Variants in PTP4A2 observed in about 807,000 individuals in gnomAD.
PTP4A2 encodes protein tyrosine phosphatase 4A2, also known as protein tyrosine phosphatase type IVA 2.
Under a neutral mutation model 22.9 loss-of-function variants are expected in PTP4A2, and 2 were observed. The ratio of observed to expected loss-of-function variants is 0.09; its 90% CI spans 0.04 to 0.27. The LOEUF (loss-of-function observed/expected upper bound fraction) is 0.27. Among genes scored for constraint, PTP4A2 ranks in the 10% least tolerant of loss-of-function variants. The pLI is 1.00. For missense variants in PTP4A2, 103 were observed against 205.1 expected (o/e 0.50, Z 3.04); for synonymous variants, 68 against 69.1 (o/e 0.98, Z 0.08).
rs1338755900 is a variant in PTP4A2, at chr1:31,922,617, TC to T, written c.-593-2960del. Among the ~76,000 whole-genome samples the T allele has an allele frequency of 8.0e-4, 121 of 151,120 alleles. 1 individual carries two copies. Among genetic ancestry groups the T allele is most frequent in the African/African-American group, 2.9e-3 (117 of 40,814 alleles). ...TTCTTTCTTTCTTTCTTTCTTTCTT[TC>T]TTTCTTTCTTTCTTTCTTTTATTTA... On this transcript the variant is annotated intron_variant, in intron 1 of 5. Coordinates refer to ENST00000647444, the MANE Select transcript of PTP4A2 (RefSeq NM_080391.4).
chr1:31,908,895 C>T lies in PTP4A2; in HGVS notation c.461G>A (p.Arg154Gln). ...CCCATTGGTATCTCTGAAGCGTAAT[C>T]GCATCTTAGGTCGGTATTTCTCCAA... ...LYLEKYRPKM[R>Q]LRFRDTNGHC... The change falls in exon 6 of 6, where the codon CGA (arginine) becomes CAA (glutamine). Residue 154 changes from arginine (R) to glutamine (Q), a missense_variant. Arg to Gln is a conservative substitution (Grantham distance 43). Coordinates refer to ENST00000647444, the MANE Select transcript of PTP4A2 (RefSeq NM_080391.4). 3 of 1,613,964 alleles carry T rather than the reference C, an allele frequency of 1.9e-6. No homozygotes were observed. The highest frequency in any genetic ancestry group is 1.7e-5 in the Admixed American group (1 of 60,004).
chr1:31,930,624 A>C (rs528034413), intron 1 of PTP4A2, among the ~76,000 whole-genome samples: 2 of 152,306 alleles, frequency 1.3e-5, no homozygotes, highest in South Asian at 4.1e-4. Flanking sequence ...GTTACACTTC[A>C]CTTCCTCTCC....
intron 1 of PTP4A2, among the ~76,000 whole-genome samples, chr1:31,922,630 CTTTCTTT>C (rs1025528576): frequency 4.2e-5 from 4 of 95,708 alleles, no homozygotes; most frequent in African/African-American, 1.4e-4. Context: ...TTCTTTCTTT[CTTTCTTT>C]TATTTATTTT....
intron 1 of PTP4A2, among the ~76,000 whole-genome samples, chr1:31,937,159 G>A (rs1453929440): frequency 6.6e-6 from 1 of 152,116 alleles, no homozygotes; most frequent in Admixed American, 6.5e-5. Context: ...CCCAGACTAG[G>A]ATAGGATGGC....
intron 1 of PTP4A2, among the ~76,000 whole-genome samples, chr1:31,927,875 T>C (rs893202124): frequency 6.6e-6 from 1 of 152,096 alleles, no homozygotes; most frequent in African/African-American, 2.4e-5. Context: ...AAAATGCTAC[T>C]GTACCTATTG....
At chr1:31,923,626 G>GC (rs894278347) in intron 1 of PTP4A2, among the ~76,000 whole-genome samples, 5 of 152,084 alleles carry the variant, frequency 3.3e-5, no homozygotes, top group African/African-American at 1.2e-4. Context: ...GAGCCACCGC[G>GC]CCCAGCCTGC....
chr1:31,918,919 G>A, intron 2 of PTP4A2, 51 bp downstream of exon 2: 3 of 1,045,866 alleles, frequency 2.9e-6, no homozygotes, highest in Non-Finnish European at 4.5e-6. Flanking sequence ...ATTTTTTAAT[G>A]GGATTTTACC....
chr1:31,932,294 A>G (rs1429885004), intron 1 of PTP4A2, among the ~76,000 whole-genome samples: 1 of 152,246 alleles, frequency 6.6e-6, no homozygotes. Context: ...TAAATGCACC[A>G]CTTCTCTAAA....
At position 31,908,156 on chromosome 1, in the gene PTP4A2, ATATATAT is replaced by A. The variant is rs1651312854; in HGVS notation, c.*689_*695del. ...TATATTATATTATATATATATATATATATATATATATATATATATATATATATATATA... is the reference window on the plus strand; with the variant it reads ...TATATTATATTATATATATATATATAATATATATATATATATATATATATA... On this transcript the variant is annotated 3_prime_UTR_variant, in exon 6 of 6. Coordinates refer to ENST00000647444, the MANE Select transcript of PTP4A2 (RefSeq NM_080391.4). 1 of 3,034 alleles carries A rather than the reference ATATATAT, an allele frequency of 3.3e-4. No individual in the cohort carries two copies. The highest frequency in any genetic ancestry group is 3.8e-3 in the Admixed American group (1 of 262). The allele number at this position is 3,034 out of a possible 1,614,324, so 0.2% of individuals were successfully genotyped here.
At chr1:31,934,201 T>A (rs1268556491) in intron 1 of PTP4A2, among the ~76,000 whole-genome samples, 1 of 152,006 alleles carries the variant, frequency 6.6e-6, no homozygotes, top group East Asian at 1.9e-4. Context: ...CAGGCTGCAG[T>A]GAGCCAAGAT....
Position 31,918,994 on chromosome 1 carries a change from ATTGGTAGGG to A in PTP4A2, c.63_71del (p.Pro22_Asn24del). 1 of 1,599,584 alleles carries A rather than the reference ATTGGTAGGG, an allele frequency of 6.3e-7. No individual in the cohort carries two copies. The highest frequency in any genetic ancestry group is 8.6e-7 in the Non-Finnish European group (1 of 1,166,904). On this transcript the variant is annotated inframe_deletion, in exon 2 of 6. Transcript: ENST00000647444. ...CCTCTGTGAACTTGTTGAGAGTAGC[ATTGGTAGGG>A]TTGTGAGTTATCAGAAAACGCATGT...
chr1:31,937,584 TC>T (rs934123683), intron 1 of PTP4A2, among the ~76,000 whole-genome samples: 1 of 124,318 alleles, frequency 8.0e-6, no homozygotes, highest in African/African-American at 3.1e-5. Context: ...AACTCTCTCC[TC>T]CCCCATTTAC....
intron 1 of PTP4A2, among the ~76,000 whole-genome samples, chr1:31,928,353 G>T (rs947403299): frequency 1.3e-5 from 2 of 150,822 alleles, no homozygotes; most frequent in Middle Eastern, 3.2e-3. Context: ...CACAAATAAG[G>T]ATCCAAAATG....
intron 1 of PTP4A2, chr1:31,924,062 G>C (rs1312613130): frequency 6.6e-6 from 1 of 152,180 alleles, no homozygotes; most frequent in Non-Finnish European, 1.5e-5. Flanking sequence ...CTGCAAATGT[G>C]TGTCAGCTGA....
intron 1 of PTP4A2, among the ~76,000 whole-genome samples, chr1:31,924,596 T>C (rs1434228687): frequency 6.6e-6 from 1 of 152,250 alleles, no homozygotes; most frequent in African/African-American, 2.4e-5. Flanking sequence ...CTCCTAAAGT[T>C]GTCTCTCTGA....
intron 3 of PTP4A2, among the ~76,000 whole-genome samples, chr1:31,912,038 C>T (rs958333410): frequency 2.0e-5 from 3 of 152,148 alleles, no homozygotes; most frequent in African/African-American, 7.2e-5. Flanking sequence ...AATGCAGTGT[C>T]GCACACATCT....
intron 1 of PTP4A2, among the ~76,000 whole-genome samples, chr1:31,926,486 TA>T (rs1652470882): frequency 6.6e-6 from 1 of 152,188 alleles, no homozygotes; most frequent in Admixed American, 6.5e-5. Context: ...CCTAATAATG[TA>T]ATATACAACT....
At position 31,929,029 on chromosome 1, in the gene PTP4A2, C is replaced by A. The variant is rs575496034; in HGVS notation, c.-594+8958G>T. On this transcript the variant is annotated intron_variant, in intron 1 of 5. Coordinates refer to ENST00000647444, the MANE Select transcript of PTP4A2 (RefSeq NM_080391.4). Reference sequence around the variant, plus strand: ...GGGAGTGGTTTTAGATGTGCATGTACCCCGGTGATTAACGGTTGTCCTTTT... The same window carrying A: ...GGGAGTGGTTTTAGATGTGCATGTAACCCGGTGATTAACGGTTGTCCTTTT... Among the ~76,000 whole-genome samples the A allele has an allele frequency of 2.6e-5, 4 of 152,300 alleles. No homozygotes were observed. The South Asian group carries it at 6.2e-4, about 24-fold the overall frequency.
chr1:31,909,760 AT>A (rs1651436554), intron 5 of PTP4A2, among the ~76,000 whole-genome samples: 1 of 152,024 alleles, frequency 6.6e-6, no homozygotes, highest in South Asian at 2.1e-4. Flanking sequence ...TTTGGAAGGT[AT>A]TTGGAATCTA....
Sources: allele counts gnomAD v4.1 joint callset (sites outside exome capture counted in the v4.1 genomes callset), GRCh38; gene constraint gnomAD v4.1.1; transcripts MANE v1.5; gene names NCBI Gene and HGNC (gene_info 2026-07-23, HGNC 2026-07-21).